Variants in MICU3 observed in about 807,000 individuals in gnomAD.
MICU3 encodes the protein calcium uptake protein 3, mitochondrial.
A neutral mutation model predicts 66.5 loss-of-function variants in MICU3; 62 were observed. That is an observed-to-expected ratio of 0.93 (90% CI 0.76 to 1.15). The LOEUF is 1.15. Ranked by LOEUF, MICU3 falls within the 50% of genes most tolerant of loss-of-function variation. MICU3 has a pLI of 0.00. For missense variants in MICU3, 779 were observed against 664.4 expected (o/e 1.17, Z -1.90); for synonymous variants, 308 against 240.7 (o/e 1.28, Z -2.59).
chr8:17,111,084 T>A (rs1802167167), intron 11 of MICU3, among the ~76,000 whole-genome samples: 1 of 152,190 alleles, frequency 6.6e-6, no homozygotes, highest in African/African-American at 2.4e-5. Context: ...TTTTGATTTG[T>A]ATTTCCCCGG....
Position 17,114,119 on chromosome 8 carries a change from A to G in MICU3, c.1284A>G (p.Ser428=), listed in dbSNP as rs1687546320. ...GCATCACATTTGATGAATTCAGGTC[A>G]TTTTTCCAGTTTTTAAACAACCTAG... is the stretch of plus-strand genomic sequence containing the variant. ...EKGITFDEFR[S]FFQFLNNLED... Residue 428 remains serine, a synonymous_variant, in exon 12 of 15, where the codon TCA becomes TCG. Transcript: ENST00000318063. The G allele has an allele frequency of 3.7e-6, 6 of 1,612,004 alleles. No individual in the cohort carries two copies. Among genetic ancestry groups the G allele is most frequent in the Non-Finnish European group, 5.1e-6 (6 of 1,178,972 alleles).
intron 3 of MICU3, among the ~76,000 whole-genome samples, chr8:17,074,923 C>T (rs865995926): frequency 2.1e-4 from 32 of 152,200 alleles, no homozygotes; most frequent in Non-Finnish European, 3.8e-4. Flanking sequence ...CAAGACTGCC[C>T]TCATTTCAGA....
intron 13 of MICU3, among the ~76,000 whole-genome samples, chr8:17,116,909 A>G (rs191507455): frequency 1.3e-5 from 2 of 152,302 alleles, no homozygotes; most frequent in Admixed American, 6.5e-5. Flanking sequence ...TAGTCTGCAT[A>G]TTAGCTTTTC....
In MICU3 at chr8:17,114,154, CA is replaced by C. The variant is rs1486582649; in HGVS notation, c.1321del (p.Ile441Ter). On this transcript the variant is annotated frameshift_variant, in exon 12 of 15. Transcript: ENST00000318063. LOFTEE classifies it high-confidence loss of function. ...FQFLNNLEDF[A>X]IALNMYNFAS... ...TTTTTAAACAACCTAGAAGACTTTGCAATAGCCCTGAATATGTATAACTTTG... is the reference window on the plus strand; with the variant it reads ...TTTTTAAACAACCTAGAAGACTTTGCATAGCCCTGAATATGTATAACTTTG... 1 of 1,612,522 alleles carries C rather than the reference CA, an allele frequency of 6.2e-7. No homozygotes were observed. The highest frequency in any genetic ancestry group is 8.5e-7 in the Non-Finnish European group (1 of 1,179,174).
chr8:17,045,922 T>A (rs776223125), intron 1 of MICU3, among the ~76,000 whole-genome samples: 2 of 152,154 alleles, frequency 1.3e-5, no homozygotes, highest in African/African-American at 2.4e-5. Context: ...TTCAGTTACC[T>A]CCCATTGGGT....
intron 1 of MICU3, among the ~76,000 whole-genome samples, chr8:17,046,731 G>A (rs7005457): frequency 0.17 from 25,695 of 151,844 alleles, 4,151 homozygotes; most frequent in African/African-American, 0.42. Flanking sequence ...CAGAATTCTC[G>A]TCAAAAGGAT....
chr8:17,070,417 G>A (rs572321532), intron 3 of MICU3, among the ~76,000 whole-genome samples: 41 of 152,074 alleles, frequency 2.7e-4, no homozygotes, highest in African/African-American at 9.4e-4. Flanking sequence ...CCAAAACTGA[G>A]AAAGTGAAAT....
intron 1 of MICU3, 33 bp from the exon 2 acceptor site, chr8:17,064,051 A>C (rs145372166): frequency 3.2e-6 from 5 of 1,579,810 alleles, no homozygotes; most frequent in Non-Finnish European, 4.3e-6. Flanking sequence ...ATTACTTCAC[A>C]TCATCCAAAT....
chr8:17,071,035 G>A (rs987379866), intron 3 of MICU3, among the ~76,000 whole-genome samples: 1 of 152,120 alleles, frequency 6.6e-6, no homozygotes, highest in Non-Finnish European at 1.5e-5. Context: ...TTAAAACTTA[G>A]GAATTGTTTA....
intron 14 of MICU3, among the ~76,000 whole-genome samples, chr8:17,119,214 T>C (rs910092759): frequency 3.3e-5 from 5 of 152,182 alleles, no homozygotes; most frequent in Non-Finnish European, 7.4e-5. Context: ...TAGGATAACT[T>C]GCTAGTCAGT....
chr8:17,070,650 TAA>T (rs574169621), intron 3 of MICU3, among the ~76,000 whole-genome samples: 2,150 of 136,416 alleles, frequency 0.016, 28 homozygotes, highest in African/African-American at 0.026. Flanking sequence ...TTTTTTTTTT[TAA>T]AAAAAAGAAT....
intron 11 of MICU3, among the ~76,000 whole-genome samples, chr8:17,113,203 G>C (rs1005994047): frequency 6.6e-6 from 1 of 152,148 alleles, no homozygotes; most frequent in Admixed American, 6.5e-5. Context: ...ACACGGCCTT[G>C]TTAGTGTCCC....
intron 5 of MICU3, among the ~76,000 whole-genome samples, chr8:17,082,613 C>T (rs1821366781): frequency 6.6e-6 from 1 of 151,900 alleles, no homozygotes; most frequent in South Asian, 2.1e-4. Flanking sequence ...CACATGGTAC[C>T]CTTCCAAAAA....
chr8:17,126,293 C>A (rs1803404718), downstream of MICU3, among the ~76,000 whole-genome samples: 1 of 152,036 alleles, frequency 6.6e-6, no homozygotes, highest in Non-Finnish European at 1.5e-5. Context: ...CATTTAAGTT[C>A]TCTATGGTCT....
the MICU3 span, among the ~76,000 whole-genome samples, chr8:17,136,296 AC>A: frequency 6.6e-6 from 1 of 152,134 alleles, no homozygotes; most frequent in Non-Finnish European, 1.5e-5. Flanking sequence ...ACGGACAGCA[AC>A]AATAAAAAAG....
chr8:17,052,588 A>G (rs1281035610), intron 1 of MICU3, among the ~76,000 whole-genome samples: 1 of 152,138 alleles, frequency 6.6e-6, no homozygotes, highest in African/African-American at 2.4e-5. Context: ...CAGTTGCTTT[A>G]TCTAGCAACT....
chr8:17,081,067 A>T (rs184897884), intron 4 of MICU3, among the ~76,000 whole-genome samples: 234 of 152,206 alleles, frequency 1.5e-3, no homozygotes, highest in African/African-American at 5.2e-3. Flanking sequence ...TCCTTTTGAA[A>T]TTTGCAAGTA....
At chr8:17,059,931 A>G (rs1817557254) in intron 1 of MICU3, among the ~76,000 whole-genome samples, 1 of 152,240 alleles carries the variant, frequency 6.6e-6, no homozygotes. Flanking sequence ...TGTCATCTCA[A>G]ACAAAATACT....
At chr8:17,038,288 TG>T (rs1357514536) in intron 1 of MICU3, among the ~76,000 whole-genome samples, 1 of 151,934 alleles carries the variant, frequency 6.6e-6, no homozygotes, top group African/African-American at 2.4e-5. Flanking sequence ...AATTGAATCG[TG>T]GGGGTGGGTT....
Sources: gnomAD v4.1 joint callset for allele counts (sites outside exome capture counted in the v4.1 genomes callset) on GRCh38, gnomAD v4.1.1 for gene constraint, MANE v1.5 for transcripts, NCBI Gene and HGNC (gene_info 2026-07-23, HGNC 2026-07-21) for gene names.